BIRC6: variants seen among roughly 807,000 people sequenced by gnomAD.
The protein encoded by BIRC6 is baculoviral IAP repeat containing 6, also known as dual E2 ubiquitin-conjugating enzyme/E3 ubiquitin-protein ligase BIRC6.
BIRC6 carries 98 observed loss-of-function variants against 503.3 expected under a neutral mutation model. The observed-to-expected ratio is 0.19, with a 90% confidence interval of 0.17 to 0.23. The LOEUF is 0.23. BIRC6 is among the 10% of genes least tolerant of loss of function. The pLI, the probability that BIRC6 is intolerant of heterozygous loss-of-function variation, is 1.00. For synonymous variants in BIRC6, 2,240 were observed against 2,078.7 expected (o/e 1.08, Z -2.11); for missense variants, 5,360 against 5,806.0 (o/e 0.92, Z 2.50).
chr2:32,475,943 C>T (rs1271430586), intron 33 of BIRC6, among the ~76,000 whole-genome samples: 4 of 151,768 alleles, frequency 2.6e-5, no homozygotes, highest in African/African-American at 9.7e-5. Context: ...AAATATATAT[C>T]GCTCGATTAT....
intron 6 of BIRC6, among the ~76,000 whole-genome samples, chr2:32,399,956 T>C (rs1434067167): frequency 6.6e-6 from 1 of 151,712 alleles, no homozygotes; most frequent in Admixed American, 6.6e-5. Flanking sequence ...CCCAGCTAAT[T>C]ATTTTTATTT....
intron 68 of BIRC6, 74 bp downstream of exon 68, chr2:32,595,218 T>A: frequency 1.1e-6 from 1 of 924,158 alleles, no homozygotes; most frequent in African/African-American, 1.7e-5. Flanking sequence ...AAATGTGTTT[T>A]AGCAAATTAA....
intron 1 of BIRC6, among the ~76,000 whole-genome samples, chr2:32,376,809 A>G (rs1043457208): frequency 1.3e-5 from 2 of 152,274 alleles, no homozygotes; most frequent in Non-Finnish European, 2.9e-5. Context: ...ATAATAAAAT[A>G]GAACAATTAC....
Position 32,412,101 on chromosome 2 carries a change from A to G in BIRC6, c.1478-2668A>G, listed in dbSNP as rs75207421. Among the ~76,000 whole-genome samples, 1,074 of 152,218 alleles carry G rather than the reference A, an allele frequency of 7.1e-3. 18 individuals are homozygous for G. The highest frequency in any genetic ancestry group is 0.025 in the African/African-American group (1,048 of 41,518). On this transcript the variant is annotated intron_variant, in intron 9 of 73. Coordinates refer to ENST00000421745, the MANE Select transcript of BIRC6 (RefSeq NM_016252.4). ...CGCCTGGCTTTGTGATTAATATCACAGGTTTAAAGGTTGAGACTGAGAAAC... is the reference window on the plus strand; with the variant it reads ...CGCCTGGCTTTGTGATTAATATCACGGGTTTAAAGGTTGAGACTGAGAAAC...
At chr2:32,457,716 T>A (rs933997967) in intron 23 of BIRC6, among the ~76,000 whole-genome samples, 1 of 152,094 alleles carries the variant, frequency 6.6e-6, no homozygotes, top group Non-Finnish European at 1.5e-5. Context: ...TTTTATCTGG[T>A]ATGATGTTTC....
At chr2:32,607,319 C>G in intron 71 of BIRC6, 136 bp from the exon 72 acceptor site, 1 of 603,460 alleles carries the variant, frequency 1.7e-6, no homozygotes. Context: ...ATGTTATAAT[C>G]ATAAACATTG....
At chr2:32,518,655 C>T (rs1313376598) in intron 56 of BIRC6, among the ~76,000 whole-genome samples, 162 bp from the exon 57 acceptor site, 1 of 152,136 alleles carries the variant, frequency 6.6e-6, no homozygotes, top group African/African-American at 2.4e-5. Flanking sequence ...AGTGATAATG[C>T]AAAAGTTGAC....
intron 65 of BIRC6, among the ~76,000 whole-genome samples, chr2:32,550,082 T>C (rs1271658846): frequency 6.6e-6 from 1 of 152,186 alleles, no homozygotes; most frequent in African/African-American, 2.4e-5. Flanking sequence ...CAGAAATGTA[T>C]AGATATTTCC....
chr2:32,467,521 A>G lies in BIRC6; in HGVS notation c.5357-4A>G, dbSNP rs957486596. The G allele has an allele frequency of 6.2e-7, 1 of 1,612,520 alleles. No homozygotes were observed. Among genetic ancestry groups the G allele is most frequent in the African/African-American group, 1.3e-5 (1 of 74,958 alleles). ...TGGTCAACTGTTTCTTCTTTCTCTC[A>G]TAGGAGCAAGAAGATTTGTGACCTT... On this transcript the variant is annotated splice_region_variant and splice_polypyrimidine_tract_variant and intron_variant, in intron 26 of 73. Transcript: ENST00000421745.
At chr2:32,441,541 T>TA in intron 17 of BIRC6, 79 bp downstream of exon 17, 1 of 1,329,272 alleles carries the variant, frequency 7.5e-7, no homozygotes, top group Non-Finnish European at 1.0e-6. Flanking sequence ...CACACACAAA[T>TA]AAAAAATCTT....
intron 8 of BIRC6, among the ~76,000 whole-genome samples, chr2:32,403,584 A>G (rs1160894616): frequency 1.3e-5 from 2 of 152,176 alleles, no homozygotes; most frequent in African/African-American, 4.8e-5. Flanking sequence ...CAAGTTGGTA[A>G]AAATTCCTTG....
intron 50 of BIRC6, chr2:32,505,435 T>C: frequency 2.2e-6 from 1 of 459,726 alleles, no homozygotes; most frequent in Middle Eastern, 6.2e-4. Context: ...TATGTTCCAG[T>C]TATATATTAT....
At position 32,598,607 on chromosome 2, in the gene BIRC6, A is replaced by T. The variant is rs1372993651; in HGVS notation, c.13830+639A>T. 2.0e-5 allele frequency among the ~76,000 whole-genome samples: 3 copies of T among 152,354 alleles called. No individual in the cohort carries two copies. In the East Asian group the frequency reaches 5.8e-4, roughly 29 times the overall value. ...TGCATCAAGAAAATGTTAAACATTTAACCCGAAAAAGAAAACTTTCTTTAT... is the reference window on the plus strand; with the variant it reads ...TGCATCAAGAAAATGTTAAACATTTTACCCGAAAAAGAAAACTTTCTTTAT... On this transcript the variant is annotated intron_variant, in intron 69 of 73. Coordinates refer to ENST00000421745, the MANE Select transcript of BIRC6 (RefSeq NM_016252.4).
Position 32,468,672 on chromosome 2 carries a change from A to C in BIRC6, c.6016A>C (p.Ser2006Arg). 2 of 1,613,990 alleles carry C rather than the reference A, an allele frequency of 1.2e-6. No individual in the cohort carries two copies. The highest frequency in any genetic ancestry group is 1.7e-6 in the Non-Finnish European group (2 of 1,179,836). ...VALGASRKML[S>R]ETSNPEDLIQ... is the part of the protein sequence containing the mutation. ...GCTAGGTGCAAGCCGGAAGATGTTG[A>C]GTGAAACATCAAATCCAGAAGATTT... The change falls in exon 29 of 74, where the codon AGT (serine) becomes CGT (arginine). Residue 2006 changes from serine to arginine, a missense_variant. Around this residue, in one of 16 missense-constraint regions of BIRC6, gnomAD observed 2,299 missense variants for 2,267.2 expected, o/e 1.01. Transcript: ENST00000421745.
chr2:32,565,508 A>G (rs905487382), intron 65 of BIRC6: 1 of 152,186 alleles, frequency 6.6e-6, no homozygotes, highest in Non-Finnish European at 1.5e-5. Flanking sequence ...CTCATTAGGG[A>G]TAAACTATAG....
rs754038623 is a variant in BIRC6, at chr2:32,595,058, A to G, written c.13526A>G (p.Lys4509Arg). Residue 4509 changes from lysine (K) to arginine (R), a missense_variant, in exon 68 of 74, where the codon AAG (lysine) becomes AGG (arginine). Coordinates refer to ENST00000421745, the MANE Select transcript of BIRC6 (RefSeq NM_016252.4). ...NQEKKLGEYS[K>R]KAAMKPKPLS... ...GAAAAAAAACTGGGTGAATACTCCAAGAAGGCGGCTATGAAACCCAAACCT... is the reference window on the plus strand; with the variant it reads ...GAAAAAAAACTGGGTGAATACTCCAGGAAGGCGGCTATGAAACCCAAACCT... 1.9e-6 allele frequency: 3 copies of G among 1,601,378 alleles called. No individual in the cohort carries two copies. Among genetic ancestry groups the G allele is most frequent in the African/African-American group, 1.3e-5 (1 of 74,444 alleles).
chr2:32,432,439 G>T (rs1335515593), intron 12 of BIRC6, among the ~76,000 whole-genome samples: 1 of 151,856 alleles, frequency 6.6e-6, no homozygotes, highest in Admixed American at 6.6e-5. Flanking sequence ...AGAGGTAGAG[G>T]TACCTGGGAG....
Position 32,415,788 on chromosome 2 carries a change from G to A in BIRC6, c.2497G>A (p.Ala833Thr). ...TTTAGTGCTTTATAAAATGAATTAT[G>A]CCACTCGGATAGTGACTTTAGAAGA... The part of the protein sequence containing the change: ...GYLVLYKMNY[A>T]TRIVTLEEEP... Residue 833 changes from alanine (A) to threonine (T), a missense_variant, in exon 10 of 74, where the codon GCC becomes ACC. Ala to Thr is a moderately conservative substitution (Grantham distance 58). Around this residue, in one of 16 missense-constraint regions of BIRC6, gnomAD observed 700 missense variants for 739.3 expected, o/e 0.95. Transcript: ENST00000421745. 2 of 1,613,626 alleles carry A rather than the reference G, an allele frequency of 1.2e-6. No individual in the cohort carries two copies. Among genetic ancestry groups the A allele is most frequent in the Non-Finnish European group, 8.5e-7 (1 of 1,179,832 alleles).
At position 32,464,828 on chromosome 2, in the gene BIRC6, A is replaced by G; in HGVS notation, c.5256+5A>G. ...AATTCCAACAAGTCCAGAATGGTAAATTATGTTTTAAATAGGTGTTGGCTT... is the reference window on the plus strand; with the variant it reads ...AATTCCAACAAGTCCAGAATGGTAAGTTATGTTTTAAATAGGTGTTGGCTT... On this transcript the variant is annotated splice_donor_5th_base_variant and intron_variant, in intron 25 of 73. Coordinates refer to ENST00000421745, the MANE Select transcript of BIRC6 (RefSeq NM_016252.4). 6.3e-7 allele frequency: 1 copy of G among 1,596,406 alleles called. No individual in the cohort carries two copies. The highest frequency in any genetic ancestry group is 8.5e-7 in the Non-Finnish European group (1 of 1,170,038).
Sources: allele counts gnomAD v4.1 joint callset (sites outside exome capture counted in the v4.1 genomes callset), GRCh38; gene constraint gnomAD v4.1.1; regional missense constraint gnomAD v4.1.1; transcripts MANE v1.5; gene names NCBI Gene and HGNC (gene_info 2026-07-23, HGNC 2026-07-21).